SUMO3: variants seen among roughly 807,000 people sequenced by gnomAD.
SUMO3 encodes small ubiquitin like modifier 3.
SUMO3 carries 2 observed loss-of-function variants against 11.1 expected under a neutral mutation model. That is an observed-to-expected ratio of 0.18 (90% CI 0.07 to 0.57). The LOEUF (loss-of-function observed/expected upper bound fraction) is 0.57. Ranked by LOEUF, SUMO3 falls within the 20% of genes least tolerant of loss-of-function variation. SUMO3 has a pLI of 0.92. For synonymous variants in SUMO3, 56 were observed against 53.5 expected (o/e 1.05, Z -0.20); for missense variants, 70 against 132.8 (o/e 0.53, Z 2.32).
intron 3 of SUMO3, chr21:44,808,539 C>A: frequency 7.1e-7 from 1 of 1,408,102 alleles, no homozygotes. Flanking sequence ...GTTTCCAGGT[C>A]CAAAGCTCTT....
At chr21:44,815,496 ACCC>A (rs1231770032) in intron 1 of SUMO3, among the ~76,000 whole-genome samples, 1 of 151,818 alleles carries the variant, frequency 6.6e-6, no homozygotes, top group Non-Finnish European at 1.5e-5. Context: ...GAGCTGGCAC[ACCC>A]CCATCTCCCC....
chr21:44,810,328 G>T lies in SUMO3; in HGVS notation c.151-1210C>A, dbSNP rs1339917460. On this transcript the variant is annotated intron_variant, in intron 2 of 3. Coordinates refer to ENST00000332859, the MANE Select transcript of SUMO3 (RefSeq NM_006936.3). The surrounding 1 kb of genome is among the most constrained non-coding windows in gnomAD (Gnocchi z 4.1). Reference sequence around the variant, plus strand: ...AGAGGCTACTGAGGCGTGGACACTGGTGGTCTGATGGACACTGGACCAGGA... The same window carrying T: ...AGAGGCTACTGAGGCGTGGACACTGTTGGTCTGATGGACACTGGACCAGGA... 6.6e-6 allele frequency among the ~76,000 whole-genome samples: 1 copy of T among 152,186 alleles called. No individual in the cohort carries two copies. The highest frequency in any genetic ancestry group is 2.4e-5 in the African/African-American group (1 of 41,446).
Position 44,811,492 on chromosome 21 carries a change from A to T in SUMO3, c.151-2374T>A, listed in dbSNP as rs1252217473. 6.6e-6 allele frequency among the ~76,000 whole-genome samples: 1 copy of T among 152,148 alleles called. No homozygotes were observed. Among genetic ancestry groups the T allele is most frequent in the Non-Finnish European group, 1.5e-5 (1 of 68,026 alleles). ...GAGGCTGAGGTGGGAGGATCACTTG[A>T]GCCCCAGGGCTCAAGGCTGCAGTGA... On this transcript the variant is annotated intron_variant, in intron 2 of 3. Transcript: ENST00000332859. The surrounding 1 kb of genome is among the most constrained non-coding windows in gnomAD (Gnocchi z 5.0).
intron 3 of SUMO3, chr21:44,808,383 G>C: frequency 1.6e-6 from 1 of 642,530 alleles, no homozygotes; most frequent in Non-Finnish European, 2.4e-6. Context: ...AGTGGTGGTG[G>C]GCACCTATAG....
chr21:44,813,904 T>A lies in SUMO3; in HGVS notation c.150+72A>T, dbSNP rs1483570048. ...GGGTCCAGCCCCGAGACGCTCGTGCTCTGGGGATGCCTGGAACGCACAGGA... is the reference window on the plus strand; with the variant it reads ...GGGTCCAGCCCCGAGACGCTCGTGCACTGGGGATGCCTGGAACGCACAGGA... On this transcript the variant is annotated intron_variant, in intron 2 of 3. Transcript: ENST00000332859. The A allele has an allele frequency of 3.1e-6, 5 of 1,599,782 alleles. No individual in the cohort carries two copies. The East Asian group carries it at 6.7e-5, about 21-fold the overall frequency.
At chr21:44,813,476 A>T (rs1048898483) in intron 2 of SUMO3, 5 of 238,058 alleles carry the variant, frequency 2.1e-5, no homozygotes, top group African/African-American at 1.1e-4. Flanking sequence ...GAAACTGGGG[A>T]AGAAGGGGAA....
rs151325504 is a variant in SUMO3, at chr21:44,807,602, G to A, written c.223-562C>T. ...CTTCTCTCCTCCTGACACAGTGGGC[G>A]CAAAACACCCACCCTGATCTTCTTC... On this transcript the variant is annotated intron_variant, in intron 3 of 3. Coordinates refer to ENST00000332859, the MANE Select transcript of SUMO3 (RefSeq NM_006936.3). The surrounding 1 kb of genome is among the most constrained non-coding windows in gnomAD (Gnocchi z 4.3). 1.4e-4 allele frequency among the ~76,000 whole-genome samples: 21 copies of A among 152,160 alleles called. No homozygotes were observed. The highest frequency in any genetic ancestry group is 2.0e-4 in the Admixed American group (3 of 15,280).
intron 1 of SUMO3, among the ~76,000 whole-genome samples, chr21:44,815,076 C>T (rs991267823): frequency 2.6e-5 from 4 of 152,204 alleles, no homozygotes; most frequent in African/African-American, 4.8e-5. Context: ...AAGTCTGGGG[C>T]GTCCTGGTAC....
chr21:44,807,075 GA>G lies in SUMO3; in HGVS notation c.223-36del, dbSNP rs1569306880. On this transcript the variant is annotated intron_variant, in intron 3 of 3. Transcript: ENST00000332859. The surrounding 1 kb of genome is among the most constrained non-coding windows in gnomAD (Gnocchi z 4.3). Reference sequence around the variant, plus strand: ...TTGTCACAACAGGCACAGCGAGAGAGAGGGGAGCCTGTTAGTTTTCATCAGA... The same window carrying G: ...TTGTCACAACAGGCACAGCGAGAGAGGGGGAGCCTGTTAGTTTTCATCAGA... 1.2e-6 allele frequency: 2 copies of G among 1,608,394 alleles called. No homozygotes were observed. Among genetic ancestry groups the G allele is most frequent in the Non-Finnish European group, 1.7e-6 (2 of 1,176,420 alleles).
At chr21:44,808,653 G>A in intron 3 of SUMO3, 1 of 1,377,650 alleles carries the variant, frequency 7.3e-7, no homozygotes. Context: ...AGGGGTTATG[G>A]CACATTCTGC....
chr21:44,806,618 C>G lies in SUMO3; in HGVS notation c.*333G>C. On this transcript the variant is annotated 3_prime_UTR_variant, in exon 4 of 4. Coordinates refer to ENST00000332859, the MANE Select transcript of SUMO3 (RefSeq NM_006936.3). Reference sequence around the variant, plus strand: ...ACCAACTCAGGAGTCAGATCCCTGGCCAGACTAAAAGCGAACATTCAGGCT... The same window carrying G: ...ACCAACTCAGGAGTCAGATCCCTGGGCAGACTAAAAGCGAACATTCAGGCT... The G allele has an allele frequency of 2.9e-6, 1 of 347,342 alleles. No individual in the cohort carries two copies. Among genetic ancestry groups the G allele is most frequent in the South Asian group, 2.8e-5 (1 of 35,970 alleles). 21.5% of individuals were successfully genotyped at this position (347,342 alleles called of 1,614,324 possible). A position where few individuals can be genotyped will look rare whatever the true frequency, so the allele number is the denominator to read the frequency against.
chr21:44,812,769 CAT>C (rs1275863379), intron 2 of SUMO3, among the ~76,000 whole-genome samples: 1 of 152,216 alleles, frequency 6.6e-6, no homozygotes, highest in African/African-American at 2.4e-5. Context: ...GCCCCCCCCA[CAT>C]GTACACGGCC....
chr21:44,813,542 A>G, intron 2 of SUMO3: 1 of 411,422 alleles, frequency 2.4e-6, no homozygotes, highest in Non-Finnish European at 4.4e-6. Context: ...ACCGCACATG[A>G]GGGCAGTGTC....
intron 1 of SUMO3, among the ~76,000 whole-genome samples, chr21:44,817,291 G>C (rs552152288): frequency 1.4e-5 from 2 of 146,910 alleles, no homozygotes; most frequent in Admixed American, 6.7e-5. Context: ...TGCACACTGA[G>C]GGCACGATTG....
intron 2 of SUMO3, 117 bp from the exon 3 acceptor site, chr21:44,809,235 T>C: frequency 1.0e-6 from 1 of 957,958 alleles, no homozygotes; most frequent in Non-Finnish European, 1.6e-6. Flanking sequence ...ATTAAACATT[T>C]CCAGATACGG....
At position 44,810,204 on chromosome 21, in the gene SUMO3, G is replaced by A. The variant is rs2083202105; in HGVS notation, c.151-1086C>T. Among the ~76,000 whole-genome samples, 1 of 152,198 alleles carries A rather than the reference G, an allele frequency of 6.6e-6. No individual in the cohort carries two copies. The highest frequency in any genetic ancestry group is 1.5e-5 in the Non-Finnish European group (1 of 68,024). On this transcript the variant is annotated intron_variant, in intron 2 of 3. Coordinates refer to ENST00000332859, the MANE Select transcript of SUMO3 (RefSeq NM_006936.3). This position sits in a 1 kb window ranked among gnomAD's most constrained non-coding sequence, Gnocchi z 4.1. Reference sequence around the variant, plus strand: ...AAAACGTGCATCTCTGCTCCCTCCTGAAACCCCACTGAAATGAAGTAAATG... The same window carrying A: ...AAAACGTGCATCTCTGCTCCCTCCTAAAACCCCACTGAAATGAAGTAAATG...
chr21:44,812,053 C>CTTTTT (rs386394862), intron 2 of SUMO3, among the ~76,000 whole-genome samples: 8,011 of 80,820 alleles, frequency 0.099, 1,191 homozygotes, highest in East Asian at 0.49. Flanking sequence ...AACTTCTCAC[C>CTTTTT]TTTTTTTTTT....
chr21:44,809,554 C>T (rs1291613135), intron 2 of SUMO3, among the ~76,000 whole-genome samples: 1 of 152,238 alleles, frequency 6.6e-6, no homozygotes, highest in Non-Finnish European at 1.5e-5. Context: ...TACATTCAAA[C>T]ACCAGAACAC....
intron 2 of SUMO3, among the ~76,000 whole-genome samples, chr21:44,812,295 G>C (rs965711765): frequency 3.3e-5 from 5 of 151,848 alleles, no homozygotes; most frequent in Admixed American, 6.6e-5. Flanking sequence ...CTGACCTCAA[G>C]TCTTGAATTC....
Sources: gnomAD v4.1 joint callset for allele counts (sites outside exome capture counted in the v4.1 genomes callset) on GRCh38, gnomAD v4.1.1 for gene constraint, Gnocchi (gnomAD v3.1) non-coding constraint, MANE v1.5 for transcripts, NCBI Gene and HGNC (gene_info 2026-07-23, HGNC 2026-07-21) for gene names.